Variants in ALK observed in about 807,000 individuals in gnomAD.
ALK encodes the protein ALK receptor tyrosine kinase.
Under a neutral mutation model 163.1 loss-of-function variants are expected in ALK, and 74 were observed. That is an observed-to-expected ratio of 0.45 (90% CI 0.38 to 0.55). ALK has a LOEUF of 0.55. Ranked by LOEUF, ALK falls within the 20% of genes least tolerant of loss-of-function variation. The pLI is 0.00. For synonymous variants in ALK, 960 were observed against 843.2 expected (o/e 1.14, Z -2.40); for missense variants, 2,063 against 2,105.3 (o/e 0.98, Z 0.39).
chr2:29,584,284 C>T (rs1160355526), intron 3 of ALK, among the ~76,000 whole-genome samples: 1 of 152,174 alleles, frequency 6.6e-6, no homozygotes, highest in Non-Finnish European at 1.5e-5. Flanking sequence ...AAACGATGTT[C>T]CCCTAATTTT....
At chr2:29,827,523 C>A (rs4665481) in intron 1 of ALK, among the ~76,000 whole-genome samples, 17,450 of 152,178 alleles carry the variant, frequency 0.11, 1,268 homozygotes, top group South Asian at 0.22. Flanking sequence ...CTACTTAGAC[C>A]AATCTGTTTA....
At chr2:29,626,866 G>A (rs944260304) in intron 3 of ALK, among the ~76,000 whole-genome samples, 3 of 152,200 alleles carry the variant, frequency 2.0e-5, no homozygotes, top group African/African-American at 7.2e-5. Context: ...CTAGATGCAG[G>A]CCTCTACCTC....
At chr2:29,900,905 T>C (rs1667396163) in intron 1 of ALK, among the ~76,000 whole-genome samples, 1 of 151,978 alleles carries the variant, frequency 6.6e-6, no homozygotes, top group Non-Finnish European at 1.5e-5. Flanking sequence ...TAGATAGATA[T>C]GAGAGCCACT....
intron 4 of ALK, among the ~76,000 whole-genome samples, chr2:29,435,602 T>C (rs998073097): frequency 4.6e-5 from 7 of 151,274 alleles, no homozygotes; most frequent in African/African-American, 1.5e-4. Context: ...GAAAATTTTA[T>C]GAAGTCAATT....
intron 3 of ALK, among the ~76,000 whole-genome samples, chr2:29,616,857 C>A (rs1278611713): frequency 6.6e-6 from 1 of 152,118 alleles, no homozygotes; most frequent in African/African-American, 2.4e-5. Flanking sequence ...CCCTAAAGAG[C>A]CAAATTCTAC....
chr2:29,275,345 T>A (rs1665507730), intron 10 of ALK, 57 bp downstream of exon 10: 2 of 1,608,022 alleles, frequency 1.2e-6, no homozygotes, highest in South Asian at 2.2e-5. Context: ...GAGGGGACAA[T>A]GAGGCCATGG....
At chr2:29,210,149 T>G (rs1454309667) in intron 24 of ALK, among the ~76,000 whole-genome samples, 5 of 152,216 alleles carry the variant, frequency 3.3e-5, no homozygotes, top group African/African-American at 4.8e-5. Flanking sequence ...GGAACTAGGA[T>G]TTATTAGCCT....
At chr2:29,350,351 G>C (rs1049177476) in intron 5 of ALK, among the ~76,000 whole-genome samples, 1 of 152,236 alleles carries the variant, frequency 6.6e-6, no homozygotes, top group Non-Finnish European at 1.5e-5. Context: ...TGGGCCACCA[G>C]ACATTTGTTG....
At chr2:29,865,645 C>T (rs1666415454) in intron 1 of ALK, among the ~76,000 whole-genome samples, 1 of 152,110 alleles carries the variant, frequency 6.6e-6, no homozygotes, top group Non-Finnish European at 1.5e-5. Context: ...ATCAGTGGAC[C>T]ATGTCCACAG....
intron 1 of ALK, among the ~76,000 whole-genome samples, chr2:29,906,807 C>G (rs140157040): frequency 6.6e-6 from 1 of 152,114 alleles, no homozygotes; most frequent in Non-Finnish European, 1.5e-5. Context: ...TAGCTGTTAT[C>G]ATTAAATTAC....
chr2:29,254,112 C>T (rs191397927), intron 11 of ALK, among the ~76,000 whole-genome samples: 1 of 152,280 alleles, frequency 6.6e-6, no homozygotes, highest in African/African-American at 2.4e-5. Context: ...CTTCTCCTTC[C>T]TGCCATCATG....
intron 1 of ALK, among the ~76,000 whole-genome samples, chr2:29,786,084 A>G (rs924950641): frequency 4.5e-4 from 69 of 152,212 alleles, no homozygotes; most frequent in African/African-American, 1.4e-3. Context: ...ACAATGAAGA[A>G]AAAACGAGAC....
At chr2:29,231,776 C>G (rs796169609) in intron 15 of ALK, among the ~76,000 whole-genome samples, 3 of 152,346 alleles carry the variant, frequency 2.0e-5, no homozygotes, top group African/African-American at 7.2e-5. Flanking sequence ...GGAATTGACA[C>G]TCTCTTCCCT....
At chr2:29,218,448 TGAGA>T (rs111941007) in intron 23 of ALK, among the ~76,000 whole-genome samples, 288 of 152,078 alleles carry the variant, frequency 1.9e-3, no homozygotes, top group African/African-American at 5.6e-3. Flanking sequence ...GTGGGGGTAG[TGAGA>T]GAGAGAGAAT....
At chr2:29,436,773 C>T (rs1029509698) in intron 4 of ALK, among the ~76,000 whole-genome samples, 6 of 152,192 alleles carry the variant, frequency 3.9e-5, no homozygotes, top group African/African-American at 1.2e-4. Flanking sequence ...ATTCTTTAAA[C>T]CTGCTTGATT....
chr2:29,500,034 ACTC>A (rs149707836), intron 4 of ALK, among the ~76,000 whole-genome samples: 9,184 of 151,254 alleles, frequency 0.061, 396 homozygotes, highest in Non-Finnish European at 0.094. Context: ...GATGGTGCCC[ACTC>A]CTCCTCAACA....
At chr2:29,583,632 TC>T (rs1357010324) in intron 3 of ALK, among the ~76,000 whole-genome samples, 1 of 152,054 alleles carries the variant, frequency 6.6e-6, no homozygotes, top group Non-Finnish European at 1.5e-5. Context: ...GCTTCTGCCC[TC>T]CCTAAGAGAA....
At chr2:29,354,027 G>T (rs1390090716) in intron 5 of ALK, among the ~76,000 whole-genome samples, 1 of 152,230 alleles carries the variant, frequency 6.6e-6, no homozygotes, top group Non-Finnish European at 1.5e-5. Context: ...CTGTCACTTG[G>T]CAGCTCAAAC....
At chr2:29,463,649 G>A (rs1315994657) in intron 4 of ALK, among the ~76,000 whole-genome samples, 1 of 152,226 alleles carries the variant, frequency 6.6e-6, no homozygotes, top group East Asian at 1.9e-4. Context: ...TTTCCAGGTT[G>A]CCATGCAGAG....
Sources: gnomAD v4.1 joint callset for allele counts (sites outside exome capture counted in the v4.1 genomes callset) on GRCh38, gnomAD v4.1.1 for gene constraint, MANE v1.5 for transcripts, NCBI Gene and HGNC (gene_info 2026-07-23, HGNC 2026-07-21) for gene names.